CDH18: variants seen among roughly 807,000 people sequenced by gnomAD.
CDH18 encodes the protein cadherin-18.
In CDH18, 31 loss-of-function variants were observed where a neutral mutation model predicts 67.9. The ratio of observed to expected loss-of-function variants is 0.46; its 90% CI spans 0.34 to 0.62. The LOEUF is 0.62. CDH18 is among the 20% of genes least tolerant of loss of function. CDH18 has a pLI of 0.01. For synonymous variants in CDH18, 362 were observed against 347.2 expected, an observed-to-expected ratio of 1.04 and a Z score of -0.48; for missense variants, 890 against 975.5, an observed-to-expected ratio of 0.91 and a Z score of 1.17.
At chr5:19,856,720 A>G (rs1784325312) in intron 2 of CDH18, among the ~76,000 whole-genome samples, 1 of 152,078 alleles carries the variant, frequency 6.6e-6, no homozygotes, top group Non-Finnish European at 1.5e-5. Context: ...AAAAAATAAA[A>G]ATCTGCAAGC....
Position 20,513,035 on chromosome 5 carries a change from C to T in CDH18, c.-580+62427G>A, listed in dbSNP as rs1038983950. Among the ~76,000 whole-genome samples the T allele has an allele frequency of 4.6e-5, 7 of 152,222 alleles. No homozygotes were observed. In the South Asian group the frequency reaches 8.3e-4, roughly 18 times the overall value. ...AGCCTCTCTGTTGGTTTTCTTACTT[C>T]CTTTCTTAAATTGTGCATAATAATT... On this transcript the variant is annotated intron_variant, in intron 1 of 14. Coordinates refer to the CDH18 transcript ENST00000507958.
intron 3 of CDH18, among the ~76,000 whole-genome samples, chr5:19,763,871 G>C (rs1379365320): frequency 1.3e-5 from 2 of 151,774 alleles, no homozygotes; most frequent in African/African-American, 4.8e-5. Flanking sequence ...ACATGAGGCT[G>C]GGCACAGTGG....
At chr5:20,518,650 C>A (rs945687756) in intron 1 of CDH18, among the ~76,000 whole-genome samples, 6 of 152,170 alleles carry the variant, frequency 3.9e-5, no homozygotes, top group Admixed American at 3.9e-4. Flanking sequence ...TATTTCTTTG[C>A]CAAAAGTACA....
In CDH18 at chr5:19,925,608, C is replaced by T. The variant is rs1386445429; in HGVS notation, c.-257+55452G>A. Among the ~76,000 whole-genome samples, 5 of 152,214 alleles carry T rather than the reference C, an allele frequency of 3.3e-5. No homozygotes were observed. The South Asian group carries it at 8.3e-4, about 25-fold the overall frequency. ...GGTTCAAGCGATTCTCTGCCTCAGC[C>T]TCCCAAGTAGCTGGGATCACAGGTG... On this transcript the variant is annotated intron_variant, in intron 2 of 12. Coordinates refer to ENST00000382275, the MANE Select transcript of CDH18 (RefSeq NM_004934.5).
chr5:19,746,036 A>G (rs934460502), intron 4 of CDH18, among the ~76,000 whole-genome samples: 13 of 152,168 alleles, frequency 8.5e-5, no homozygotes, highest in African/African-American at 3.1e-4. Context: ...GTAAAATTAA[A>G]TATATTAAAT....
At chr5:20,174,867 CA>C (rs1737108946) in intron 2 of CDH18, among the ~76,000 whole-genome samples, 1 of 151,994 alleles carries the variant, frequency 6.6e-6, no homozygotes, top group African/African-American at 2.4e-5. Context: ...TGTGTTTTTA[CA>C]ACATATTGTT....
At position 20,299,403 on chromosome 5, in the gene CDH18, TA is replaced by T. The variant is rs1747776603; in HGVS notation, c.-579-43899del. Reference sequence around the variant, plus strand: ...AAAGCCCCAAATCATCAACATTAGCTACACACACACACACACACACACACAC... The same window carrying T: ...AAAGCCCCAAATCATCAACATTAGCTCACACACACACACACACACACACAC... On this transcript the variant is annotated intron_variant, in intron 1 of 14. Coordinates refer to the CDH18 transcript ENST00000507958. Among the ~76,000 whole-genome samples the T allele has an allele frequency of 2.2e-5, 3 of 138,772 alleles. No homozygotes were observed. In the East Asian group the frequency reaches 6.6e-4, roughly 30 times the overall value. The allele number at this position is 138,772 out of a possible 152,430, so 91.0% of individuals were successfully genotyped here.
intron 8 of CDH18, among the ~76,000 whole-genome samples, chr5:19,555,759 T>C (rs1315672665): frequency 2.0e-5 from 3 of 152,130 alleles, no homozygotes; most frequent in Admixed American, 1.3e-4. Context: ...ATCCTCCCTA[T>C]ACAATCGCAA....
intron 5 of CDH18, among the ~76,000 whole-genome samples, chr5:19,702,173 G>C (rs1182292486): frequency 7.6e-6 from 1 of 132,004 alleles, no homozygotes; most frequent in Non-Finnish European, 1.6e-5. Context: ...TTTTGAGATG[G>C]AGTCTCCCTC....
intron 1 of CDH18, among the ~76,000 whole-genome samples, chr5:20,551,735 G>A (rs1757645223): frequency 6.6e-6 from 1 of 152,044 alleles, no homozygotes; most frequent in African/African-American, 2.4e-5. Flanking sequence ...CCAAAGATGA[G>A]AATTTAAGAA....
intron 2 of CDH18, among the ~76,000 whole-genome samples, chr5:20,035,363 C>A (rs565695142): frequency 2.0e-5 from 3 of 151,986 alleles, no homozygotes; most frequent in African/African-American, 7.3e-5. Context: ...TACTAAAACA[C>A]ATAAAGTGAT....
rs145624160 is a variant in CDH18 at position 19,488,044 on chromosome 5, T to C, written c.1631-4492A>G. On this transcript the variant is annotated intron_variant, in intron 11 of 12. Transcript: ENST00000382275. Reference sequence around the variant, plus strand: ...ATACATTAGTAGAATACAAGTCACATGCTTCTGGAGATCAGATGTAGTTTT... The same window carrying C: ...ATACATTAGTAGAATACAAGTCACACGCTTCTGGAGATCAGATGTAGTTTT... Among the ~76,000 whole-genome samples the C allele has an allele frequency of 6.2e-3, 938 of 152,290 alleles. 9 individuals carry two copies. Among genetic ancestry groups the C allele is most frequent in the African/African-American group, 0.021 (883 of 41,566 alleles).
chr5:19,704,984 A>C (rs1451821262), intron 5 of CDH18, among the ~76,000 whole-genome samples: 1 of 152,170 alleles, frequency 6.6e-6, no homozygotes, highest in African/African-American at 2.4e-5. Flanking sequence ...AGGACTGTGA[A>C]CGGTTTGCAT....
At chr5:20,493,657 A>T (rs571954902) in intron 1 of CDH18, among the ~76,000 whole-genome samples, 50 of 152,146 alleles carry the variant, frequency 3.3e-4, no homozygotes, top group Middle Eastern at 3.4e-3. Context: ...ATCTTATATA[A>T]TTCATTTGGG....
At chr5:19,628,812 T>G (rs752205771) in intron 5 of CDH18, among the ~76,000 whole-genome samples, 1 of 151,950 alleles carries the variant, frequency 6.6e-6, no homozygotes, top group Non-Finnish European at 1.5e-5. Context: ...CTTAACCTTA[T>G]GAAATTAGCA....
At chr5:19,663,632 G>A (rs1044134523) in intron 5 of CDH18, among the ~76,000 whole-genome samples, 4 of 151,882 alleles carry the variant, frequency 2.6e-5, no homozygotes, top group Middle Eastern at 3.2e-3. Context: ...AAGGAAAATG[G>A]AAACTACCAC....
At chr5:19,511,523 T>TA (rs1440200087) in intron 10 of CDH18, among the ~76,000 whole-genome samples, 1 of 152,082 alleles carries the variant, frequency 6.6e-6, no homozygotes, top group Admixed American at 6.6e-5. Flanking sequence ...TAGTGATATC[T>TA]AAAATGAAGT....
intron 2 of CDH18, among the ~76,000 whole-genome samples, chr5:20,028,098 T>C (rs1342718103): frequency 2.0e-5 from 3 of 151,494 alleles, no homozygotes; most frequent in African/African-American, 7.3e-5. Context: ...TAAAAACAAC[T>C]TTCTATTTTT....
At chr5:20,574,839 G>A (rs2126680706) in intron 1 of CDH18, among the ~76,000 whole-genome samples, 1 of 152,148 alleles carries the variant, frequency 6.6e-6, no homozygotes, top group South Asian at 2.1e-4. Flanking sequence ...AACATCTCCA[G>A]AGTCACATTT....
Sources: allele counts gnomAD v4.1 joint callset (sites outside exome capture counted in the v4.1 genomes callset), GRCh38; gene constraint gnomAD v4.1.1; transcripts MANE v1.5; gene names NCBI Gene and HGNC (gene_info 2026-07-23, HGNC 2026-07-21).